Variants in GRIN3A observed in about 807,000 individuals in gnomAD.
GRIN3A encodes the protein glutamate receptor ionotropic, NMDA 3A.
Under a neutral mutation model 92.4 loss-of-function variants are expected in GRIN3A, and 47 were observed. That is an observed-to-expected ratio of 0.51 (90% CI 0.40 to 0.65). The LOEUF (loss-of-function observed/expected upper bound fraction) is 0.65. Among genes scored for constraint, GRIN3A ranks in the 30% least tolerant of loss-of-function variants. GRIN3A has a pLI of 0.00. For missense variants in GRIN3A, 1,324 were observed against 1,393.1 expected, an observed-to-expected ratio of 0.95 and a Z score of 0.79; for synonymous variants, 527 against 540.6, an observed-to-expected ratio of 0.97 and a Z score of 0.35.
intron 3 of GRIN3A, among the ~76,000 whole-genome samples, chr9:101,667,598 G>A (rs913255458): frequency 5.9e-5 from 9 of 151,842 alleles, no homozygotes; most frequent in Non-Finnish European, 1.3e-4. Flanking sequence ...ACCTTATTTA[G>A]TATAAGAAAT....
Position 101,594,741 on chromosome 9 carries a change from C to T in GRIN3A, c.2767-15381G>A, listed in dbSNP as rs756326986. On this transcript the variant is annotated intron_variant, in intron 6 of 8. Coordinates refer to ENST00000361820, the MANE Select transcript of GRIN3A (RefSeq NM_133445.3). ...TCTCCATCACCGTCGGTGTCGAAGA[C>T]GTCGATCACTCGCCGCACCAACGGG... 2 of 1,614,164 alleles carry T rather than the reference C, an allele frequency of 1.2e-6. No homozygotes were observed. The highest frequency in any genetic ancestry group is 1.7e-6 in the Non-Finnish European group (2 of 1,180,046).
At chr9:101,704,116 T>C (rs1157524205) in intron 1 of GRIN3A, among the ~76,000 whole-genome samples, 3 of 152,102 alleles carry the variant, frequency 2.0e-5, no homozygotes, top group Admixed American at 1.3e-4. Context: ...CTTGCTGCTT[T>C]AGTTAATGTC....
chr9:101,732,480 G>A (rs922214101), intron 1 of GRIN3A, among the ~76,000 whole-genome samples: 9 of 152,146 alleles, frequency 5.9e-5, no homozygotes, highest in African/African-American at 2.2e-4. Flanking sequence ...AAAGTTGCTG[G>A]TAATACAGAA....
intron 1 of GRIN3A, among the ~76,000 whole-genome samples, chr9:101,711,449 C>G (rs1310877321): frequency 1.3e-5 from 2 of 152,138 alleles, no homozygotes; most frequent in Middle Eastern, 3.2e-3. Context: ...GTAACTGAAA[C>G]CTTGGAAAGC....
At chr9:101,661,854 GC>G in intron 3 of GRIN3A, among the ~76,000 whole-genome samples, 1 of 151,926 alleles carries the variant, frequency 6.6e-6, no homozygotes, top group African/African-American at 2.4e-5. Context: ...ATCTTAATGT[GC>G]TTCCACTAAG....
intron 3 of GRIN3A, among the ~76,000 whole-genome samples, chr9:101,642,275 T>C (rs1828877124): frequency 6.6e-6 from 1 of 152,294 alleles, no homozygotes; most frequent in Admixed American, 6.5e-5. Flanking sequence ...AATATCCATA[T>C]GTAAGTGAAT....
chr9:101,587,911 A>G (rs1827968360), intron 6 of GRIN3A, among the ~76,000 whole-genome samples: 1 of 152,200 alleles, frequency 6.6e-6, no homozygotes, highest in African/African-American at 2.4e-5. Context: ...AAGACCTGGT[A>G]TCTATTTTAT....
At chr9:101,653,619 A>G (rs1482827131) in intron 3 of GRIN3A, among the ~76,000 whole-genome samples, 4 of 151,846 alleles carry the variant, frequency 2.6e-5, no homozygotes, top group African/African-American at 9.7e-5. Context: ...TCACCCTAAA[A>G]CCAAAAACCA....
intron 3 of GRIN3A, among the ~76,000 whole-genome samples, chr9:101,644,471 A>AAC (rs1294360989): frequency 6.6e-6 from 1 of 151,650 alleles, no homozygotes; most frequent in Non-Finnish European, 1.5e-5. Flanking sequence ...AAAAAAAAAA[A>AAC]AAAAAAACAC....
intron 6 of GRIN3A, among the ~76,000 whole-genome samples, chr9:101,601,344 A>G (rs1056471087): frequency 2.0e-5 from 3 of 152,010 alleles, no homozygotes; most frequent in African/African-American, 7.3e-5. Context: ...TCACAATTAT[A>G]TTTTGGAGAG....
At chr9:101,731,814 T>G (rs937752404) in intron 1 of GRIN3A, among the ~76,000 whole-genome samples, 1 of 152,206 alleles carries the variant, frequency 6.6e-6, no homozygotes, top group Non-Finnish European at 1.5e-5. Context: ...TTAGCTCACC[T>G]CTTCCCCATT....
At chr9:101,678,947 A>C (rs1350968361) in intron 2 of GRIN3A, among the ~76,000 whole-genome samples, 4 of 151,932 alleles carry the variant, frequency 2.6e-5, no homozygotes, top group Non-Finnish European at 4.4e-5. Context: ...ATGAACCTTG[A>C]CTCTTCTATA....
chr9:101,722,517 C>T (rs558794876), intron 1 of GRIN3A, among the ~76,000 whole-genome samples: 297 of 152,296 alleles, frequency 2.0e-3, no homozygotes, highest in Non-Finnish European at 3.2e-3. Context: ...CTGGAAAAGC[C>T]GCAAACACTC....
chr9:101,716,219 C>G (rs1319295241), intron 1 of GRIN3A, among the ~76,000 whole-genome samples: 1 of 152,018 alleles, frequency 6.6e-6, no homozygotes, highest in South Asian at 2.1e-4. Context: ...TTTTTTTAAA[C>G]ACACACATGG....
At chr9:101,647,352 C>T (rs185231107) in intron 3 of GRIN3A, among the ~76,000 whole-genome samples, 3 of 151,868 alleles carry the variant, frequency 2.0e-5, no homozygotes, top group South Asian at 2.1e-4. Context: ...CCTACTTGGT[C>T]GTGGTGAATG....
intron 5 of GRIN3A, among the ~76,000 whole-genome samples, chr9:101,620,502 A>G (rs1294177977): frequency 6.6e-6 from 1 of 152,182 alleles, no homozygotes; most frequent in Non-Finnish European, 1.5e-5. Context: ...ATATGCAGTG[A>G]CAGTACATTC....
intron 3 of GRIN3A, among the ~76,000 whole-genome samples, chr9:101,647,965 T>G (rs1564134877): frequency 6.6e-6 from 1 of 152,006 alleles, no homozygotes; most frequent in African/African-American, 2.4e-5. Context: ...GTATTTTATT[T>G]TAGTCTCAAT....
intron 3 of GRIN3A, among the ~76,000 whole-genome samples, chr9:101,633,631 A>C (rs1360365258): frequency 2.0e-5 from 3 of 152,178 alleles, no homozygotes; most frequent in Middle Eastern, 3.2e-3. Context: ...TTCTCATAGG[A>C]GCATGAACCC....
chr9:101,660,509 C>T (rs1480500121), intron 3 of GRIN3A, among the ~76,000 whole-genome samples: 1 of 151,726 alleles, frequency 6.6e-6, no homozygotes, highest in Non-Finnish European at 1.5e-5. Context: ...TTTGCTTAGG[C>T]CCTAGGAACA....
Sources: allele counts gnomAD v4.1 joint callset (sites outside exome capture counted in the v4.1 genomes callset), GRCh38; gene constraint gnomAD v4.1.1; transcripts MANE v1.5; gene names NCBI Gene and HGNC (gene_info 2026-07-23, HGNC 2026-07-21).